The following RASSF6 variants were observed in gnomAD, a reference collection of about 807,000 sequenced individuals.
RASSF6 encodes Ras association domain family member 6, also known as ras association domain-containing protein 6.
RASSF6 carries 52 observed loss-of-function variants against 44.0 expected under a neutral mutation model. That is an observed-to-expected ratio of 1.18 (90% CI 0.95 to 1.49). The LOEUF (loss-of-function observed/expected upper bound fraction) is 1.49. Ranked by LOEUF, RASSF6 falls within the 40% of genes most tolerant of loss-of-function variation. RASSF6 has a pLI of 0.00. For synonymous variants in RASSF6, 162 were observed against 124.6 expected (o/e 1.30, Z -2.00); for missense variants, 464 against 393.3 (o/e 1.18, Z -1.52).
rs1256869837 is a variant in RASSF6 at position 73,573,783 on chromosome 4, C to G, written c.*2452G>C. 1 of 152,148 alleles carries G rather than the reference C, an allele frequency of 6.6e-6. No individual in the cohort carries two copies. Among genetic ancestry groups the G allele is most frequent in the Non-Finnish European group, 1.5e-5 (1 of 68,026 alleles). The allele number at this position is 152,148 out of a possible 1,614,324, so 9.4% of individuals were successfully genotyped here. ...GGCATGTCAGTTATTATTTTACTGT[C>G]TCTCAGCTCCACATTCACTGTTGGT... On this transcript the variant is annotated 3_prime_UTR_variant, in exon 11 of 11. Coordinates refer to ENST00000307439, the MANE Select transcript of RASSF6 (RefSeq NM_177532.5).
Position 73,575,492 on chromosome 4 carries a change from G to C in RASSF6, c.*743C>G, listed in dbSNP as rs1335930667. The C allele has an allele frequency of 3.3e-5, 5 of 151,826 alleles. No individual in the cohort carries two copies. Among genetic ancestry groups the C allele is most frequent in the Non-Finnish European group, 7.4e-5 (5 of 67,968 alleles). 9.4% of individuals were successfully genotyped at this position (151,826 alleles called of 1,614,324 possible). On this transcript the variant is annotated 3_prime_UTR_variant, in exon 11 of 11. Transcript: ENST00000307439. ...AGTCTTACTTTAGCCGATGTAATAT[G>C]TCTATGTGATATAAACATTTTTTTG...
At chr4:73,589,600 C>T (rs1264035332) in intron 4 of RASSF6, among the ~76,000 whole-genome samples, 2 of 151,864 alleles carry the variant, frequency 1.3e-5, no homozygotes, top group African/African-American at 4.8e-5. Flanking sequence ...TTTTTTCTAC[C>T]ATCTACAGCA....
intron 2 of RASSF6, among the ~76,000 whole-genome samples, chr4:73,602,698 G>T (rs948131935): frequency 6.6e-6 from 1 of 152,176 alleles, no homozygotes; most frequent in African/African-American, 2.4e-5. Flanking sequence ...CTGTTTGATG[G>T]CCCTTAAAAT....
intron 2 of RASSF6, among the ~76,000 whole-genome samples, chr4:73,602,601 G>A (rs906237253): frequency 4.6e-5 from 7 of 151,308 alleles, no homozygotes; most frequent in East Asian, 1.9e-4. Context: ...TGTTACATGC[G>A]GACCCCCTCA....
intron 3 of RASSF6, among the ~76,000 whole-genome samples, chr4:73,594,650 A>T (rs1017896198): frequency 3.9e-5 from 6 of 152,218 alleles, no homozygotes; most frequent in African/African-American, 1.2e-4. Flanking sequence ...TCACTCCTGA[A>T]ACAAAGTTTT....
At chr4:73,617,004 T>C (rs1189593513) in intron 1 of RASSF6, among the ~76,000 whole-genome samples, 1 of 152,152 alleles carries the variant, frequency 6.6e-6, no homozygotes, top group East Asian at 1.9e-4. Flanking sequence ...AGAGTGATGG[T>C]TTCTGGGAAA....
intron 4 of RASSF6, among the ~76,000 whole-genome samples, chr4:73,592,489 G>T (rs1724626819): frequency 6.6e-6 from 1 of 152,168 alleles, no homozygotes; most frequent in Non-Finnish European, 1.5e-5. Context: ...GGAAAAAAAG[G>T]ATGAAAGGAA....
chr4:73,581,114 C>A (rs1475182826), intron 8 of RASSF6, among the ~76,000 whole-genome samples: 1 of 151,876 alleles, frequency 6.6e-6, no homozygotes, highest in African/African-American at 2.4e-5. Flanking sequence ...GGTGTTCTGG[C>A]ATCAAAATGT....
rs140006902 is a variant in RASSF6, at chr4:73,603,936, T to C, written c.66-5218A>G. 6.6e-5 allele frequency: 10 copies of C among 152,296 alleles called. No homozygotes were observed. In the East Asian group the frequency reaches 1.7e-3, roughly 26 times the overall value. The allele number at this position is 152,296 out of a possible 1,614,324, so 9.4% of individuals were successfully genotyped here. On this transcript the variant is annotated intron_variant, in intron 2 of 10. Transcript: ENST00000307439. Reference sequence around the variant, plus strand: ...CCCTAAAAGGCAAAGAACCCTGTCCTAGTCTTTACAAAGTGATTCTTACAG... The same window carrying C: ...CCCTAAAAGGCAAAGAACCCTGTCCCAGTCTTTACAAAGTGATTCTTACAG...
intron 1 of RASSF6, among the ~76,000 whole-genome samples, chr4:73,618,375 T>C (rs1560465752): frequency 6.6e-6 from 1 of 151,784 alleles, no homozygotes; most frequent in Non-Finnish European, 1.5e-5. Flanking sequence ...AGTAGATTAA[T>C]CTCAAATCAA....
intron 2 of RASSF6, among the ~76,000 whole-genome samples, chr4:73,603,066 C>G (rs752142970): frequency 4.0e-5 from 6 of 151,736 alleles, no homozygotes; most frequent in Non-Finnish European, 5.9e-5. Context: ...CCAGCCTGGG[C>G]GACGGAGCAA....
chr4:73,591,544 A>G (rs1724559591), intron 4 of RASSF6, among the ~76,000 whole-genome samples: 1 of 152,198 alleles, frequency 6.6e-6, no homozygotes. Flanking sequence ...GCAGAGCCCA[A>G]GAGTAATTTT....
Position 73,582,239 on chromosome 4 carries a change from T to C in RASSF6, c.619A>G (p.Ser207Gly). ...ATTACTTCTTCAGTTCTCATGTTACTGTTTACTCTGACCTTAGTTTCTGAT... is the reference window on the plus strand; with the variant it reads ...ATTACTTCTTCAGTTCTCATGTTACCGTTTACTCTGACCTTAGTTTCTGAT... ...FESETKVRVN[S>G]NMRTEEVIKQ... The change falls in exon 7 of 11, where the codon AGT (serine) becomes GGT (glycine). Residue 207 changes from serine to glycine, a missense_variant. Ser to Gly is a moderately conservative substitution (Grantham distance 56, BLOSUM62 0). Transcript: ENST00000307439. 1 of 1,598,808 alleles carries C rather than the reference T, an allele frequency of 6.3e-7. No individual in the cohort carries two copies. Among genetic ancestry groups the C allele is most frequent in the South Asian group, 1.1e-5 (1 of 88,776 alleles).
chr4:73,603,082 C>T (rs1275648910), intron 2 of RASSF6, among the ~76,000 whole-genome samples: 1 of 151,744 alleles, frequency 6.6e-6, no homozygotes, highest in African/African-American at 2.4e-5. Flanking sequence ...AGCAAGTTTC[C>T]GTCTCAAAAG....
At chr4:73,610,204 A>T (rs1031250212) in intron 2 of RASSF6, among the ~76,000 whole-genome samples, 3 of 152,034 alleles carry the variant, frequency 2.0e-5, no homozygotes, top group Admixed American at 2.0e-4. Context: ...TTTCTCTCAC[A>T]CCCATGTCTA....
chr4:73,581,934 A>G, intron 7 of RASSF6, 66 bp from the exon 8 acceptor site: 1 of 1,221,252 alleles, frequency 8.2e-7, no homozygotes, highest in Non-Finnish European at 1.2e-6. Flanking sequence ...TAACCTGACC[A>G]GACCCAAATC....
chr4:73,576,700 C>T lies in RASSF6; in HGVS notation c.753G>A (p.Pro251=), dbSNP rs147932445. The T allele has an allele frequency of 2.4e-4, 381 of 1,612,464 alleles. 1 individual carries two copies. In the Middle Eastern group the frequency reaches 6.8e-3, roughly 29 times the overall value. The change falls in exon 9 of 11, where the codon CCG becomes CCA. Residue 251 remains proline, a synonymous_variant. Coordinates refer to ENST00000307439, the MANE Select transcript of RASSF6 (RefSeq NM_177532.5). Reference sequence around the variant, plus strand: ...GTCCCTGTAGGAGCCTCTGCAGTAGCGGAATGTCTGTCTTCTTTAGTCGTC... The same window carrying T: ...GTCCCTGTAGGAGCCTCTGCAGTAGTGGAATGTCTGTCTTCTTTAGTCGTC... The part of the protein sequence containing the change: ...EQRRLKKTDI[P]LLQRLLQGPS...
At chr4:73,599,614 T>G (rs531165225) in intron 2 of RASSF6, among the ~76,000 whole-genome samples, 3 of 152,310 alleles carry the variant, frequency 2.0e-5, no homozygotes, top group African/African-American at 7.2e-5. Context: ...CTATTCTATC[T>G]TTCTCTCAGT....
chr4:73,620,488 C>T, upstream of RASSF6: 4 of 1,546,014 alleles, frequency 2.6e-6, no homozygotes, highest in Middle Eastern at 1.7e-4. Context: ...GCGCCTGTCT[C>T]CTCCCAGAGC....
Sources: gnomAD v4.1 joint callset for allele counts (sites outside exome capture counted in the v4.1 genomes callset) on GRCh38, gnomAD v4.1.1 for gene constraint, MANE v1.5 for transcripts, NCBI Gene and HGNC (gene_info 2026-07-23, HGNC 2026-07-21) for gene names.